CPA6: variants seen among roughly 807,000 people sequenced by gnomAD.
CPA6 encodes carboxypeptidase B.
In CPA6, 58 loss-of-function variants were observed where a neutral mutation model predicts 63.3. That is an observed-to-expected ratio of 0.92 (90% CI 0.74 to 1.14). CPA6 has a LOEUF of 1.14. Among genes scored for constraint, CPA6 ranks in the 50% most tolerant of loss-of-function variants. The pLI is 0.00. For synonymous variants in CPA6, 185 were observed against 179.0 expected, an observed-to-expected ratio of 1.03 and a Z score of -0.27; for missense variants, 565 against 526.6, an observed-to-expected ratio of 1.07 and a Z score of -0.71.
chr8:67,437,992 T>G (rs1810200907), intron 8 of CPA6, among the ~76,000 whole-genome samples: 1 of 152,192 alleles, frequency 6.6e-6, no homozygotes, highest in African/African-American at 2.4e-5. Context: ...CTCAGCTCAC[T>G]GCAACCTCTG....
chr8:67,479,979 T>C (rs75718972), intron 8 of CPA6, among the ~76,000 whole-genome samples: 2,134 of 152,120 alleles, frequency 0.014, 60 homozygotes, highest in African/African-American at 0.047. Context: ...CACTTTTTTT[T>C]TTTTGGATAG....
chr8:67,723,328 T>C (rs1275956860), intron 1 of CPA6, among the ~76,000 whole-genome samples: 2 of 152,174 alleles, frequency 1.3e-5, no homozygotes, highest in African/African-American at 4.8e-5. Flanking sequence ...TTTTTTGACA[T>C]ATAGAAATTT....
chr8:67,579,242 C>G (rs1260866333), intron 2 of CPA6, among the ~76,000 whole-genome samples: 2 of 152,186 alleles, frequency 1.3e-5, no homozygotes, highest in Non-Finnish European at 2.9e-5. Context: ...CAAACCCCAT[C>G]TCTACTAAAA....
At chr8:67,509,669 C>A (rs761204398) in intron 4 of CPA6, 51 bp from the exon 5 acceptor site, 2 of 888,758 alleles carry the variant, frequency 2.3e-6, no homozygotes, top group Admixed American at 4.7e-5. Flanking sequence ...AATAATGGAG[C>A]TTTTAGAGAA....
At chr8:67,495,432 T>C (rs1426353734) in intron 6 of CPA6, among the ~76,000 whole-genome samples, 1 of 152,216 alleles carries the variant, frequency 6.6e-6, no homozygotes, top group Non-Finnish European at 1.5e-5. Flanking sequence ...GCTGCCTTCA[T>C]ATAAAAAGAA....
At chr8:67,595,723 T>G (rs570332063) in intron 2 of CPA6, among the ~76,000 whole-genome samples, 68 of 152,340 alleles carry the variant, frequency 4.5e-4, no homozygotes, top group Non-Finnish European at 4.3e-4. Context: ...CACCGTTTCC[T>G]AAGCCCATTG....
intron 1 of CPA6, among the ~76,000 whole-genome samples, chr8:67,656,110 TTG>T (rs1261660089): frequency 6.6e-6 from 1 of 152,062 alleles, no homozygotes; most frequent in Non-Finnish European, 1.5e-5. Context: ...TTCTTTTGCT[TTG>T]TTTTTGTTTT....
intron 1 of CPA6, among the ~76,000 whole-genome samples, chr8:67,631,647 G>A (rs68029260): frequency 0.26 from 38,812 of 152,084 alleles, 5,154 homozygotes; most frequent in African/African-American, 0.32. Context: ...AGCCAGCAGC[G>A]GCAACCCACT....
intron 10 of CPA6, among the ~76,000 whole-genome samples, chr8:67,423,988 C>T (rs973085928): frequency 1.3e-5 from 2 of 152,194 alleles, no homozygotes; most frequent in African/African-American, 2.4e-5. Flanking sequence ...TGCATTACTG[C>T]CTGAGCTCTG....
At chr8:67,651,326 A>G (rs1054292300) in intron 1 of CPA6, among the ~76,000 whole-genome samples, 1 of 152,288 alleles carries the variant, frequency 6.6e-6, no homozygotes, top group Non-Finnish European at 1.5e-5. Context: ...ATAGTGAGAG[A>G]TTTTTGAGTA....
At chr8:67,652,053 T>C (rs1815854384) in intron 1 of CPA6, among the ~76,000 whole-genome samples, 2 of 152,178 alleles carry the variant, frequency 1.3e-5, no homozygotes, top group African/African-American at 4.8e-5. Context: ...TTCATCCATG[T>C]CCCTGCAAAG....
chr8:67,484,528 C>T (rs1431840145), intron 7 of CPA6, 151 bp downstream of exon 7: 5 of 508,078 alleles, frequency 9.8e-6, no homozygotes, highest in Non-Finnish European at 7.2e-6. Context: ...TGTTGGTGCT[C>T]TGATTGGGGA....
intron 1 of CPA6, among the ~76,000 whole-genome samples, chr8:67,709,021 T>A (rs995463285): frequency 2.4e-4 from 36 of 152,110 alleles, no homozygotes; most frequent in Admixed American, 1.8e-3. Flanking sequence ...CCTGATAAGC[T>A]CTCGGGAGTT....
intron 1 of CPA6, among the ~76,000 whole-genome samples, chr8:67,642,129 C>A (rs1005807279): frequency 3.3e-5 from 5 of 152,094 alleles, no homozygotes; most frequent in Non-Finnish European, 2.9e-5. Context: ...TGAGACCAGT[C>A]CAACATGGTG....
intron 1 of CPA6, among the ~76,000 whole-genome samples, chr8:67,650,812 G>A (rs966668044): frequency 2.0e-5 from 3 of 152,158 alleles, no homozygotes; most frequent in Non-Finnish European, 4.4e-5. Context: ...AAATTGCACA[G>A]AGGATTGATG....
intron 1 of CPA6, among the ~76,000 whole-genome samples, chr8:67,671,411 G>A (rs1816340411): frequency 1.3e-5 from 2 of 152,186 alleles, no homozygotes; most frequent in Admixed American, 6.5e-5. Context: ...CTCCTGTTCA[G>A]CAGGATCACC....
At chr8:67,552,008 A>C (rs1239907465) in intron 2 of CPA6, among the ~76,000 whole-genome samples, 4 of 152,212 alleles carry the variant, frequency 2.6e-5, no homozygotes, top group African/African-American at 9.6e-5. Context: ...TTGTTGCTTT[A>C]AAATCAGACT....
chr8:67,479,365 T>A (rs1811308858), intron 8 of CPA6, among the ~76,000 whole-genome samples: 1 of 152,234 alleles, frequency 6.6e-6, no homozygotes, highest in Admixed American at 6.5e-5. Context: ...CATTTCTCCC[T>A]ACCCCTATAA....
chr8:67,660,792 T>C (rs931510477), intron 1 of CPA6, among the ~76,000 whole-genome samples: 4 of 152,120 alleles, frequency 2.6e-5, no homozygotes, highest in Admixed American at 6.5e-5. Context: ...CCAAAGGATG[T>C]GAATTTTCTG....
Sources: gnomAD v4.1 joint callset for allele counts (sites outside exome capture counted in the v4.1 genomes callset) on GRCh38, gnomAD v4.1.1 for gene constraint, MANE v1.5 for transcripts, NCBI Gene and HGNC (gene_info 2026-07-23, HGNC 2026-07-21) for gene names.